FN1: variants seen among roughly 807,000 people sequenced by gnomAD.
FN1 encodes the protein fibronectin 1.
FN1 carries 106 observed loss-of-function variants against 297.3 expected under a neutral mutation model. The ratio of observed to expected loss-of-function variants is 0.36; its 90% CI spans 0.30 to 0.42. FN1 has a LOEUF of 0.42. Ranked by LOEUF, FN1 falls within the 10% of genes least tolerant of loss-of-function variation. FN1 has a pLI of 1.00. For missense variants in FN1, 2,690 were observed against 3,124.9 expected, an observed-to-expected ratio of 0.86 and a Z score of 3.32; for synonymous variants, 1,149 against 1,152.6, an observed-to-expected ratio of 1.00 and a Z score of 0.06.
chr2:215,397,040 T>C, intron 23 of FN1, 97 bp downstream of exon 23: 1 of 849,192 alleles, frequency 1.2e-6, no homozygotes, highest in Non-Finnish European at 2.1e-6. Context: ...CATTTGTAAT[T>C]TGAATCCCTT....
chr2:215,399,378 T>A (rs762971420), intron 20 of FN1, 27 bp from the exon 21 acceptor site: 7 of 1,472,872 alleles, frequency 4.8e-6, no homozygotes, highest in African/African-American at 1.4e-5. Flanking sequence ...ATGCACATAT[T>A]CAAAACTCAA....
At chr2:215,379,524 A>G (rs560219758) in intron 33 of FN1, 69 of 532,978 alleles carry the variant, frequency 1.3e-4, no homozygotes, top group Non-Finnish European at 1.8e-4. Flanking sequence ...ATATCCACCA[A>G]TTCTCAGAAT....
intron 4 of FN1, 49 bp downstream of exon 4, chr2:215,431,784 C>T (rs753181347): frequency 6.2e-7 from 1 of 1,605,262 alleles, no homozygotes; most frequent in South Asian, 1.1e-5. Flanking sequence ...TCCAACCCCA[C>T]ATTAGAACTA....
At chr2:215,426,260 T>C (rs994109213) in intron 6 of FN1, among the ~76,000 whole-genome samples, 1 of 145,572 alleles carries the variant, frequency 6.9e-6, no homozygotes, top group East Asian at 2.2e-4. Context: ...GCCATTCTCC[T>C]GCCTCAGCCT....
chr2:215,389,288 G>A (rs927225163), intron 26 of FN1, among the ~76,000 whole-genome samples: 1 of 152,034 alleles, frequency 6.6e-6, no homozygotes, highest in African/African-American at 2.4e-5. Context: ...ATTTTTAATA[G>A]AGACGGGGCT....
At chr2:215,400,454 T>C (rs1226409349) in intron 20 of FN1, among the ~76,000 whole-genome samples, 5 of 151,936 alleles carry the variant, frequency 3.3e-5, no homozygotes, top group African/African-American at 1.2e-4. Context: ...ATTTTTCTTA[T>C]TGAAAATATT....
intron 19 of FN1, among the ~76,000 whole-genome samples, chr2:215,405,327 T>C (rs1212988120): frequency 6.6e-6 from 1 of 152,234 alleles, no homozygotes; most frequent in Non-Finnish European, 1.5e-5. Context: ...GTATAATAAT[T>C]GAGAGCATGG....
intron 29 of FN1, 123 bp from the exon 30 acceptor site, chr2:215,384,307 A>C (rs891177384): frequency 2.1e-6 from 2 of 966,622 alleles, no homozygotes; most frequent in African/African-American, 3.2e-5. Flanking sequence ...TTCCCTTTTA[A>C]AGAGCGCTAT....
At position 215,404,655 on chromosome 2, in the gene FN1, T is replaced by A; in HGVS notation, c.2987A>T (p.Lys996Ile). The A allele has an allele frequency of 6.2e-7, 1 of 1,613,414 alleles. No individual in the cohort carries two copies. Among genetic ancestry groups the A allele is most frequent in the African/African-American group, 1.3e-5 (1 of 75,036 alleles). ...CTGGAGGTTAGTGGGAGCATCCAGT[T>A]CTAGGAAAAAAGATGAAACATGCCA... ...SKPLTAQQTT[K>I]LDAPTNLQFV... is the part of the protein sequence containing the mutation. Residue 996 changes from lysine (K) to isoleucine (I), a missense_variant and splice_region_variant, in exon 20 of 46, where the codon AAA (lysine) becomes ATA (isoleucine). Transcript: ENST00000354785.
Position 215,367,395 on chromosome 2 carries a change from T to G in FN1, c.7018+468A>C, listed in dbSNP as rs2054847698. Among the ~76,000 whole-genome samples the G allele has an allele frequency of 4.6e-5, 7 of 152,212 alleles. 1 individual carries two copies. In the South Asian group the frequency reaches 1.4e-3, roughly 32 times the overall value. On this transcript the variant is annotated intron_variant, in intron 42 of 45. Transcript: ENST00000354785. ...GTTCAAGCTACCTGGGCTATGTGTG[T>G]GACGCAAAAGTGTGTGCATGGGTAC...
At position 215,404,514 on chromosome 2, in the gene FN1, T is replaced by G. The variant is rs775628401; in HGVS notation, c.3128A>C (p.Asn1043Thr). The G allele has an allele frequency of 4.3e-6, 7 of 1,613,976 alleles. No homozygotes were observed. In the African/African-American group the frequency reaches 9.3e-5, roughly 22 times the overall value. ...LTRRGQPRQYNVGPSVSKYPL... is the reference protein window; with the variant it reads ...LTRRGQPRQYTVGPSVSKYPL... ...GTACTTGGAGACAGAGGGACCCACA[T>G]TGTACTGCCTGGGCTGTCCTCTTCG... The change falls in exon 20 of 46, where the codon AAT becomes ACT. Residue 1043 changes from asparagine to threonine, a missense_variant. Physicochemically the swap from Asn to Thr is moderately conservative, Grantham distance 65. Coordinates refer to ENST00000354785, the MANE Select transcript of FN1 (RefSeq NM_212482.4).
intron 20 of FN1, among the ~76,000 whole-genome samples, chr2:215,401,095 CA>C (rs201488353): frequency 2.0e-3 from 251 of 128,520 alleles, no homozygotes; most frequent in African/African-American, 5.7e-3. Context: ...CACACCTGGC[CA>C]AAAAAAAAAA....
chr2:215,434,529 G>A (rs964303567), intron 2 of FN1, among the ~76,000 whole-genome samples, 167 bp downstream of exon 2: 4 of 152,128 alleles, frequency 2.6e-5, no homozygotes, highest in African/African-American at 9.7e-5. Flanking sequence ...TGTTTTAAAG[G>A]TAAAAGCATG....
At chr2:215,400,751 CAAAAAAAA>C (rs1175226865) in intron 20 of FN1, among the ~76,000 whole-genome samples, 5 of 56,220 alleles carry the variant, frequency 8.9e-5, no homozygotes, top group South Asian at 1.1e-3. Flanking sequence ...GGCTCCATCT[CAAAAAAAA>C]AAAAAAAAAA....
intron 5 of FN1, among the ~76,000 whole-genome samples, chr2:215,428,756 C>T (rs1271975943): frequency 3.9e-5 from 6 of 152,100 alleles, no homozygotes; most frequent in African/African-American, 7.2e-5. Context: ...CGGTGGCTCA[C>T]GCCTGTAATC....
rs1352618131 is a variant in FN1 at position 215,375,637 on chromosome 2, G to T, written c.5969C>A (p.Ala1990Asp). 6.2e-7 allele frequency: 1 copy of T among 1,607,356 alleles called. No homozygotes were observed. The highest frequency in any genetic ancestry group is 8.5e-7 in the Non-Finnish European group (1 of 1,173,888). Residue 1990 changes from alanine (A) to aspartate (D), a missense_variant, in exon 37 of 46, where the codon GCC becomes GAC. Physicochemically the swap from Ala to Asp is moderately radical, Grantham distance 126. Transcript: ENST00000354785. ...GTAGAAGGTATAGTTACCAGTGGAG[G>T]CGTCGATGACCACAGGGGAGCTCCG... ...NARSSPVVID[A>D]STAIDAPSNL...
chr2:215,413,221 G>A (rs2062934049), intron 13 of FN1, among the ~76,000 whole-genome samples: 1 of 152,166 alleles, frequency 6.6e-6, no homozygotes, highest in African/African-American at 2.4e-5. Flanking sequence ...CTGGGTTCAA[G>A]TGATTCTCCT....
chr2:215,386,602 G>A (rs16853944), intron 28 of FN1, 87 bp downstream of exon 28: 1 of 466,008 alleles, frequency 2.1e-6, no homozygotes, highest in Non-Finnish European at 3.8e-6. Flanking sequence ...TTTGAGAGCT[G>A]ATGACAGACA....
At position 215,375,311 on chromosome 2, in the gene FN1, C is replaced by G. The variant is rs369278895; in HGVS notation, c.6060G>C (p.Arg2020Ser). 2.2e-5 allele frequency: 35 copies of G among 1,613,994 alleles called. No individual in the cohort carries two copies. In the African/African-American group the frequency reaches 4.3e-4, roughly 20 times the overall value. ...LLVSWQPPRARITGYIIKYEK... is the reference protein window; with the variant it reads ...LLVSWQPPRASITGYIIKYEK... Reference sequence around the variant, plus strand: ...CATACTTGATGATGTAGCCGGTAATCCTGGCACGTGGCGGCTGCCATGATA... The same window carrying G: ...CATACTTGATGATGTAGCCGGTAATGCTGGCACGTGGCGGCTGCCATGATA... The change falls in exon 38 of 46, where the codon AGG becomes AGC. Residue 2020 changes from arginine (R) to serine (S), a missense_variant. Arg to Ser is a moderately radical substitution (Grantham distance 110). Around this residue, in one of 3 missense-constraint regions of FN1, gnomAD observed 1,743 missense variants for 1,945.2 expected, o/e 0.90. Transcript: ENST00000354785.
Sources: gnomAD v4.1 joint callset for allele counts (sites outside exome capture counted in the v4.1 genomes callset) on GRCh38, gnomAD v4.1.1 for gene constraint, gnomAD v4.1.1 regional missense constraint, MANE v1.5 for transcripts, NCBI Gene and HGNC (gene_info 2026-07-23, HGNC 2026-07-21) for gene names.